Variants in MCM6 observed in about 807,000 individuals in gnomAD.
The protein encoded by MCM6 is DNA replication licensing factor MCM6.
MCM6 carries 46 observed loss-of-function variants against 94.3 expected under a neutral mutation model. The ratio of observed to expected loss-of-function variants is 0.49; its 90% CI spans 0.39 to 0.62. The LOEUF (loss-of-function observed/expected upper bound fraction) is 0.62. Ranked by LOEUF, MCM6 falls within the 20% of genes least tolerant of loss-of-function variation. The pLI, the probability that MCM6 is intolerant of heterozygous loss-of-function variation, is 0.00. For missense variants in MCM6, 865 were observed against 1,017.9 expected (o/e 0.85, Z 2.04); for synonymous variants, 335 against 351.9 (o/e 0.95, Z 0.54).
intron 13 of MCM6, 97 bp from the exon 14 acceptor site, chr2:135,848,285 T>C: frequency 1.3e-6 from 1 of 796,670 alleles, no homozygotes; most frequent in South Asian, 1.7e-5. Context: ...TTTGGTTTTC[T>C]CACAAACACA....
intron 14 of MCM6, 83 bp from the exon 15 acceptor site, chr2:135,846,475 A>G: frequency 9.6e-7 from 1 of 1,043,936 alleles, no homozygotes; most frequent in Non-Finnish European, 1.4e-6. Context: ...CACTACTTAC[A>G]TTTAATACTG....
chr2:135,851,787 A>C (rs1433574346), intron 12 of MCM6: 1 of 362,720 alleles, frequency 2.8e-6, no homozygotes, highest in Non-Finnish European at 5.0e-6. Flanking sequence ...ACCTGAAAAA[A>C]GGCTTAGTAT....
intron 7 of MCM6, among the ~76,000 whole-genome samples, chr2:135,864,216 C>A (rs970658579): frequency 6.6e-6 from 1 of 152,148 alleles, no homozygotes; most frequent in African/African-American, 2.4e-5. Flanking sequence ...AAGCATCAGG[C>A]CTAAAATTTT....
chr2:135,864,870 T>C (rs1293706599), intron 7 of MCM6, 143 bp downstream of exon 7: 3 of 489,258 alleles, frequency 6.1e-6, no homozygotes, highest in African/African-American at 2.0e-5. Flanking sequence ...TGAAATCATG[T>C]ACCTGTCCTT....
chr2:135,857,090 T>C (rs1295782526), intron 10 of MCM6, among the ~76,000 whole-genome samples: 1 of 152,220 alleles, frequency 6.6e-6, no homozygotes, highest in East Asian at 1.9e-4. Flanking sequence ...ATTTCTCTTA[T>C]AGCCAAATAT....
intron 3 of MCM6, among the ~76,000 whole-genome samples, chr2:135,869,443 T>A (rs1680163208): frequency 6.6e-6 from 1 of 151,952 alleles, no homozygotes; most frequent in South Asian, 2.1e-4. Flanking sequence ...TGTTTTTGTT[T>A]TATATGCAAA....
chr2:135,866,599 T>G lies in MCM6; in HGVS notation c.745A>C (p.Ile249Leu). Residue 249 changes from isoleucine to leucine, a missense_variant, in exon 5 of 17, where the codon ATT becomes CTT. Transcript: ENST00000264156. Reference sequence around the variant, plus strand: ...AGCTTGGAGACGTCAGGCACAACAATCAGTGTCCCTGTAAAGTCACACTTG... The same window carrying G: ...AGCTTGGAGACGTCAGGCACAACAAGCAGTGTCCCTGTAAAGTCACACTTG... ...GDKCDFTGTL[I>L]VVPDVSKLST... 6.2e-7 allele frequency: 1 copy of G among 1,613,764 alleles called. No homozygotes were observed. Among genetic ancestry groups the G allele is most frequent in the Non-Finnish European group, 8.5e-7 (1 of 1,179,906 alleles).
intron 1 of MCM6, 30 bp downstream of exon 1, chr2:135,876,229 G>T: frequency 6.5e-7 from 1 of 1,538,742 alleles, no homozygotes; most frequent in East Asian, 2.5e-5. Flanking sequence ...CTCCGGAGGC[G>T]GGCGAGGCCC....
chr2:135,859,070 T>C (rs1679941569), intron 9 of MCM6, among the ~76,000 whole-genome samples: 1 of 152,098 alleles, frequency 6.6e-6, no homozygotes, highest in Admixed American at 6.6e-5. Context: ...TTTGTATTTT[T>C]AGTAGAGAAA....
At position 135,859,091 on chromosome 2, in the gene MCM6, G is replaced by A. The variant is rs1344628688; in HGVS notation, c.1362+210C>T. 2.0e-5 allele frequency among the ~76,000 whole-genome samples: 3 copies of A among 151,910 alleles called. No homozygotes were observed. The highest frequency in any genetic ancestry group is 4.4e-5 in the Non-Finnish European group (3 of 67,948). On this transcript the variant is annotated intron_variant, in intron 9 of 16. Coordinates refer to ENST00000264156, the MANE Select transcript of MCM6 (RefSeq NM_005915.6). ...TTTTTAGTAGAGAAAATGGGTTTTC[G>A]CCATGTTGGCCAGGCTGGTCTCGAA...
intron 13 of MCM6, among the ~76,000 whole-genome samples, 156 bp from the exon 14 acceptor site, chr2:135,848,344 TTCTC>T (rs910642561): frequency 6.6e-6 from 1 of 152,292 alleles, no homozygotes; most frequent in Admixed American, 6.5e-5. Flanking sequence ...CCCTCTCTCA[TTCTC>T]TCTCTTACAC....
intron 13 of MCM6, among the ~76,000 whole-genome samples, chr2:135,849,356 G>A (rs1679728419): frequency 1.3e-5 from 2 of 152,236 alleles, no homozygotes; most frequent in Admixed American, 6.5e-5. Flanking sequence ...GTCCCTTGAT[G>A]ACCTAATGGA....
At chr2:135,858,508 A>C (rs1679932662) in intron 9 of MCM6, among the ~76,000 whole-genome samples, 1 of 152,112 alleles carries the variant, frequency 6.6e-6, no homozygotes, top group Non-Finnish European at 1.5e-5. Context: ...ACAGTCTTTC[A>C]GATGGAAAAT....
At chr2:135,875,872 A>G (rs1472941144) in intron 1 of MCM6, among the ~76,000 whole-genome samples, 1 of 152,220 alleles carries the variant, frequency 6.6e-6, no homozygotes, top group Non-Finnish European at 1.5e-5. Flanking sequence ...ACGAGATTCA[A>G]TGGCACTTCG....
At chr2:135,858,170 T>C (rs911761393) in intron 9 of MCM6, among the ~76,000 whole-genome samples, 166 bp from the exon 10 acceptor site, 1 of 152,056 alleles carries the variant, frequency 6.6e-6, no homozygotes, top group Non-Finnish European at 1.5e-5. Flanking sequence ...CCAGGTTAGG[T>C]GACAGAGTGA....
intron 11 of MCM6, among the ~76,000 whole-genome samples, chr2:135,855,826 T>C (rs964859866): frequency 2.6e-5 from 4 of 152,162 alleles, no homozygotes; most frequent in African/African-American, 7.2e-5. Flanking sequence ...CCTAAAATAT[T>C]AGTTCCTACA....
In MCM6 at chr2:135,839,702, A is replaced by G. The variant is rs1346679378; in HGVS notation, c.*1133T>C. ...GTGGAGTACATTTTGACAAGGTTTC[A>G]TACAAGTTGATTCCAGGGAAAGAGA... is the stretch of plus-strand genomic sequence containing the variant. On this transcript the variant is annotated 3_prime_UTR_variant, in exon 17 of 17. Coordinates refer to ENST00000264156, the MANE Select transcript of MCM6 (RefSeq NM_005915.6). 1.3e-5 allele frequency: 2 copies of G among 152,242 alleles called. No homozygotes were observed. The highest frequency in any genetic ancestry group is 2.9e-5 in the Non-Finnish European group (2 of 68,042). The allele number at this position is 152,242 out of a possible 1,614,324, so 9.4% of individuals were successfully genotyped here. A position where few individuals can be genotyped will look rare whatever the true frequency, so the allele number is the denominator to read the frequency against.
rs4988195 is a variant in MCM6, at chr2:135,861,625, T to G, written c.1220+982A>C. Among the ~76,000 whole-genome samples, 1,306 of 152,314 alleles carry G rather than the reference T, an allele frequency of 8.6e-3. 92 individuals are homozygous for G. In the East Asian group the frequency reaches 0.18, roughly 21 times the overall value. On this transcript the variant is annotated intron_variant, in intron 8 of 16. Coordinates refer to ENST00000264156, the MANE Select transcript of MCM6 (RefSeq NM_005915.6). ...AAGTACATCCTATTTTATTTTTATT[T>G]TTTTTGAGACGGAGTCTTGCTCTGT...
intron 1 of MCM6, among the ~76,000 whole-genome samples, chr2:135,874,939 G>A (rs142848327): frequency 5.4e-4 from 82 of 152,254 alleles, no homozygotes; most frequent in African/African-American, 1.7e-3. Context: ...AATACTACAC[G>A]CTTCCACTTA....
Sources: gnomAD v4.1 joint callset for allele counts (sites outside exome capture counted in the v4.1 genomes callset) on GRCh38, gnomAD v4.1.1 for gene constraint, MANE v1.5 for transcripts, NCBI Gene and HGNC (gene_info 2026-07-23, HGNC 2026-07-21) for gene names.